Variants in VCF2 observed in about 807,000 individuals in gnomAD.
The protein encoded by VCF2 is VCP nuclear cofactor family member 2.
At chrX:55,145,792 A>G in the VCF2 span, 5 of 845,864 alleles carry the variant, frequency 5.9e-6, no homozygotes, top group Non-Finnish European at 7.2e-6. Flanking sequence ...AATTGGACAT[A>G]TGGCTTCAAT....
chrX:55,143,117 G>A, the VCF2 span: 1 of 110,827 alleles, frequency 9.0e-6, no homozygotes, highest in Non-Finnish European at 1.9e-5. Context: ...TAAAAAAGCT[G>A]TAGGCTTTAT....
At chrX:55,146,886 T>C in the VCF2 span, among the ~76,000 whole-genome samples, 1 of 112,608 alleles carries the variant, frequency 8.9e-6, no homozygotes, top group Non-Finnish European at 1.9e-5. Context: ...TACATACATA[T>C]CCTGAAAGGC....
chrX:55,151,303 A>AGCT, the VCF2 span, among the ~76,000 whole-genome samples: 2 of 112,374 alleles, frequency 1.8e-5, no homozygotes, highest in African/African-American at 6.5e-5. Flanking sequence ...CCCTTGAGAA[A>AGCT]GCTGGCCTCA....
chrX:55,152,833 A>G, the VCF2 span, among the ~76,000 whole-genome samples: 1 of 111,966 alleles, frequency 8.9e-6, no homozygotes, highest in African/African-American at 3.3e-5. Flanking sequence ...TTACCCTGGC[A>G]ATGTAAACTG....
At chrX:55,157,680 T>C in the VCF2 span, among the ~76,000 whole-genome samples, 36 of 112,431 alleles carry the variant, frequency 3.2e-4, no homozygotes, top group African/African-American at 1.1e-3. Flanking sequence ...TCTGTTTTTC[T>C]CTCATTTGTC....
At chrX:55,144,050 A>ATTC in the VCF2 span, among the ~76,000 whole-genome samples, 4 of 111,590 alleles carry the variant, frequency 3.6e-5, no homozygotes, top group Non-Finnish European at 7.5e-5. Flanking sequence ...TATTATTATT[A>ATTC]TTATTTTACT....
chrX:55,152,906 T>C, the VCF2 span, among the ~76,000 whole-genome samples: 1 of 111,749 alleles, frequency 8.9e-6, no homozygotes, highest in African/African-American at 3.3e-5. Context: ...GACAAATGCA[T>C]ATCTGATTAC....
At chrX:55,143,853 T>C in the VCF2 span, 1 of 1,203,414 alleles carries the variant, frequency 8.3e-7, no homozygotes, top group East Asian at 3.0e-5. Context: ...AACCAGTTTA[T>C]GACATAAACA....
chrX:55,156,725 T>C, the VCF2 span, among the ~76,000 whole-genome samples: 6 of 111,926 alleles, frequency 5.4e-5, no homozygotes, highest in South Asian at 1.8e-3. Context: ...GTAAGTTATT[T>C]TCCAGCTCAA....
At chrX:55,157,253 C>T in the VCF2 span, among the ~76,000 whole-genome samples, 436 of 112,535 alleles carry the variant, frequency 3.9e-3, 2 homozygotes, top group African/African-American at 0.013. Context: ...TCACCAAAGC[C>T]GGGGCGTGGT....
the VCF2 span, chrX:55,159,114 G>A: frequency 1.7e-6 from 2 of 1,165,224 alleles, no homozygotes; most frequent in African/African-American, 1.8e-5. Flanking sequence ...GAGGCAATCT[G>A]ACCATACTTG....
At chrX:55,151,761 G>A in the VCF2 span, among the ~76,000 whole-genome samples, 1 of 111,048 alleles carries the variant, frequency 9.0e-6, no homozygotes, top group Non-Finnish European at 1.9e-5. Flanking sequence ...TTCTAGTTTA[G>A]GCTGGATTCT....
the VCF2 span, among the ~76,000 whole-genome samples, chrX:55,147,491 T>A: frequency 9.0e-6 from 1 of 110,744 alleles, no homozygotes; most frequent in South Asian, 3.8e-4. Flanking sequence ...AAAAAAAAAT[T>A]TTTCCTAGGC....
At chrX:55,143,933 T>C in the VCF2 span, 3 of 800,137 alleles carry the variant, frequency 3.7e-6, no homozygotes, top group East Asian at 3.2e-5. Flanking sequence ...AGATTTACAC[T>C]GACCACTCTG....
At chrX:55,157,818 A>T in the VCF2 span, among the ~76,000 whole-genome samples, 52,775 of 110,313 alleles carry the variant, frequency 0.48, 9,346 homozygotes, top group Non-Finnish European at 0.55. Context: ...TCTACATAAT[A>T]TTCCACTCTT....
At chrX:55,144,935 T>C in the VCF2 span, among the ~76,000 whole-genome samples, 5 of 112,955 alleles carry the variant, frequency 4.4e-5, no homozygotes, top group African/African-American at 1.6e-4. Context: ...CCTGGTCCTT[T>C]GTTCACACAG....
the VCF2 span, among the ~76,000 whole-genome samples, chrX:55,153,043 G>A: frequency 1.8e-5 from 2 of 111,862 alleles, no homozygotes; most frequent in Admixed American, 9.5e-5. Context: ...CCTATGACCT[G>A]GAAGCCGCAG....
At chrX:55,156,946 G>A in the VCF2 span, among the ~76,000 whole-genome samples, 1 of 112,321 alleles carries the variant, frequency 8.9e-6, no homozygotes, top group South Asian at 3.7e-4. Flanking sequence ...TGCTTGGGAT[G>A]TTTAGTATGC....
the VCF2 span, chrX:55,159,191 G>T: frequency 8.3e-7 from 1 of 1,208,987 alleles, no homozygotes; most frequent in Admixed American, 2.2e-5. Context: ...TGGGTGGAAT[G>T]ATGGTTGCCC....
Sources: gnomAD v4.1 joint callset for allele counts (sites outside exome capture counted in the v4.1 genomes callset) on GRCh38, gnomAD v4.1.1 for gene constraint, MANE v1.5 for transcripts, NCBI Gene and HGNC (gene_info 2026-07-23, HGNC 2026-07-21) for gene names.